Variants in GLCE observed in about 807,000 individuals in gnomAD.
The protein encoded by GLCE is D-glucuronyl C5-epimerase.
A neutral mutation model predicts 47.9 loss-of-function variants in GLCE; 19 were observed. The observed-to-expected ratio is 0.40, with a 90% CI of 0.28 to 0.58. The LOEUF (loss-of-function observed/expected upper bound fraction) is 0.58, where lower values mean the gene tolerates loss of function less well. Among genes scored for constraint, GLCE ranks in the 20% least tolerant of loss-of-function variants. The pLI is 0.48. For missense variants in GLCE, 556 were observed against 743.3 expected (o/e 0.75, Z 2.93); for synonymous variants, 245 against 263.4 (o/e 0.93, Z 0.68).
chr15:69,212,641 T>C (rs1198984396), intron 2 of GLCE, among the ~76,000 whole-genome samples: 1 of 152,126 alleles, frequency 6.6e-6, no homozygotes, highest in Non-Finnish European at 1.5e-5. Flanking sequence ...TTCATGTCTT[T>C]GAAGGTATTC....
chr15:69,193,665 C>T (rs146776283), intron 1 of GLCE, among the ~76,000 whole-genome samples: 42 of 151,982 alleles, frequency 2.8e-4, no homozygotes, highest in African/African-American at 9.2e-4. Flanking sequence ...GCAAGGGGGG[C>T]GCCTAAGGTA....
At chr15:69,203,007 T>G (rs1316655237) in intron 1 of GLCE, among the ~76,000 whole-genome samples, 3 of 152,086 alleles carry the variant, frequency 2.0e-5, no homozygotes, top group African/African-American at 7.2e-5. Context: ...ATGGCTATTG[T>G]GATATTTAAG....
chr15:69,168,462 G>A (rs1056283819), intron 1 of GLCE, among the ~76,000 whole-genome samples: 8 of 151,802 alleles, frequency 5.3e-5, no homozygotes, highest in Non-Finnish European at 1.2e-4. Flanking sequence ...TTTGATCTAA[G>A]CCTCTCATCT....
chr15:69,262,012 C>G (rs1334900779), intron 4 of GLCE, among the ~76,000 whole-genome samples: 1 of 152,122 alleles, frequency 6.6e-6, no homozygotes, highest in Admixed American at 6.5e-5. Flanking sequence ...TAGTTAGCAC[C>G]TCAGGTTTAA....
intron 2 of GLCE, among the ~76,000 whole-genome samples, chr15:69,250,044 T>C (rs757026322): frequency 2.0e-5 from 3 of 152,232 alleles, no homozygotes; most frequent in Admixed American, 6.5e-5. Flanking sequence ...AATAAATCTT[T>C]AGGGTCAGCA....
intron 1 of GLCE, among the ~76,000 whole-genome samples, chr15:69,200,588 G>A (rs1344246701): frequency 1.3e-5 from 2 of 152,094 alleles, no homozygotes; most frequent in Non-Finnish European, 2.9e-5. Flanking sequence ...GGAATATGAA[G>A]CAGAAGAGGT....
intron 3 of GLCE, 114 bp from the exon 4 acceptor site, chr15:69,260,973 C>A: frequency 2.0e-6 from 2 of 990,664 alleles, no homozygotes; most frequent in Non-Finnish European, 3.0e-6. Context: ...AGGAAGCCCA[C>A]AACTTCCTGA....
chr15:69,191,516 A>T (rs987147905), intron 1 of GLCE, among the ~76,000 whole-genome samples: 2 of 152,176 alleles, frequency 1.3e-5, no homozygotes, highest in Non-Finnish European at 2.9e-5. Context: ...ATCATGCAGG[A>T]TACATTTAAT....
chr15:69,196,765 T>G (rs1424528144), intron 1 of GLCE: 1 of 162,292 alleles, frequency 6.2e-6, no homozygotes, highest in Non-Finnish European at 1.3e-5. Context: ...GCTCGATAAG[T>G]GGGTGCCTCA....
chr15:69,222,978 C>G (rs1277000920), intron 2 of GLCE, among the ~76,000 whole-genome samples: 1 of 152,188 alleles, frequency 6.6e-6, no homozygotes, highest in Non-Finnish European at 1.5e-5. Context: ...AAAAATCCTG[C>G]TCATCTACAG....
At chr15:69,243,111 G>GAA (rs1475622906) in intron 2 of GLCE, among the ~76,000 whole-genome samples, 1 of 145,522 alleles carries the variant, frequency 6.9e-6, no homozygotes, top group East Asian at 2.0e-4. Flanking sequence ...AGAAAGGAAA[G>GAA]AAAAAAAGAA....
intron 2 of GLCE, among the ~76,000 whole-genome samples, chr15:69,234,973 G>C (rs1428310251): frequency 2.0e-5 from 3 of 151,750 alleles, no homozygotes; most frequent in African/African-American, 7.3e-5. Flanking sequence ...TTTTTTTCAG[G>C]GGAATATGTA....
chr15:69,226,877 T>A (rs1286933799), intron 2 of GLCE, among the ~76,000 whole-genome samples: 1 of 151,446 alleles, frequency 6.6e-6, no homozygotes, highest in Non-Finnish European at 1.5e-5. Flanking sequence ...CCTGAGTAGC[T>A]GGGATTACAG....
intron 2 of GLCE, among the ~76,000 whole-genome samples, chr15:69,235,305 G>C (rs981312687): frequency 6.6e-6 from 1 of 151,324 alleles, no homozygotes; most frequent in African/African-American, 2.4e-5. Context: ...ACGAGGTTTC[G>C]CCATGTTGGC....
intron 1 of GLCE, among the ~76,000 whole-genome samples, chr15:69,179,621 C>T (rs1235649385): frequency 6.6e-6 from 1 of 152,184 alleles, no homozygotes; most frequent in East Asian, 1.9e-4. Context: ...GACAACGTAA[C>T]TCCTGGCCTT....
At chr15:69,172,783 T>A (rs2051607619) in intron 1 of GLCE, among the ~76,000 whole-genome samples, 1 of 152,252 alleles carries the variant, frequency 6.6e-6, no homozygotes, top group Non-Finnish European at 1.5e-5. Context: ...TCAGTTACTC[T>A]GAAAATTGTA....
intron 2 of GLCE, among the ~76,000 whole-genome samples, chr15:69,225,486 G>A (rs2052434108): frequency 6.6e-6 from 1 of 152,186 alleles, no homozygotes; most frequent in African/African-American, 2.4e-5. Flanking sequence ...TGTACACACA[G>A]TGCCTAGTAG....
At chr15:69,205,881 A>G (rs2140369042) in intron 1 of GLCE, among the ~76,000 whole-genome samples, 1 of 152,230 alleles carries the variant, frequency 6.6e-6, no homozygotes, top group Middle Eastern at 3.4e-3. Context: ...AAGATAATAC[A>G]AAGAGTTTTA....
chr15:69,266,654 A>G (rs2053091178), intron 4 of GLCE: 1 of 445,548 alleles, frequency 2.2e-6, no homozygotes, highest in Non-Finnish European at 3.0e-6. Context: ...GTGACACACT[A>G]AAGATTTTTT....
Sources: allele counts gnomAD v4.1 joint callset (sites outside exome capture counted in the v4.1 genomes callset), GRCh38; gene constraint gnomAD v4.1.1; transcripts MANE v1.5; gene names NCBI Gene and HGNC (gene_info 2026-07-23, HGNC 2026-07-21).